RNLS: variants seen among roughly 807,000 people sequenced by gnomAD.
RNLS encodes renalase.
Under a neutral mutation model 39.8 loss-of-function variants are expected in RNLS, and 39 were observed. The ratio of observed to expected loss-of-function variants is 0.98; its 90% CI spans 0.76 to 1.28. The LOEUF (loss-of-function observed/expected upper bound fraction) is 1.28, where lower values mean the gene tolerates loss of function less well. Among genes scored for constraint, RNLS ranks in the 50% most tolerant of loss-of-function variants. The pLI is 0.00. For missense variants in RNLS, 410 were observed against 413.3 expected (o/e 0.99, Z 0.07); for synonymous variants, 147 against 150.7 (o/e 0.98, Z 0.18).
rs138084173 is a variant in RNLS at position 88,487,869 on chromosome 10, T to C, written c.526+85034A>G. 9.2e-5 allele frequency among the ~76,000 whole-genome samples: 14 copies of C among 152,158 alleles called. No individual in the cohort carries two copies. The East Asian group carries it at 2.7e-3, about 29-fold the overall frequency. On this transcript the variant is annotated intron_variant, in intron 4 of 6. Coordinates refer to ENST00000331772, the MANE Select transcript of RNLS (RefSeq NM_001031709.3). ...ATAAATAAACACAGTTGTATATCCA[T>C]AAAAGGGATACTAATCAGCAATAAA...
chr10:88,548,491 T>C (rs1041230067), intron 4 of RNLS, among the ~76,000 whole-genome samples: 11 of 147,754 alleles, frequency 7.4e-5, no homozygotes, highest in Non-Finnish European at 1.5e-5. Flanking sequence ...ATACAAAAAT[T>C]AGCCAGGCAT....
chr10:88,379,501 A>C (rs1851284851), intron 4 of RNLS, among the ~76,000 whole-genome samples: 2 of 152,162 alleles, frequency 1.3e-5, no homozygotes, highest in Non-Finnish European at 2.9e-5. Context: ...CCTGGGAAGA[A>C]TTATCAGTCT....
intron 4 of RNLS, among the ~76,000 whole-genome samples, chr10:88,372,401 T>C (rs1850636783): frequency 6.6e-6 from 1 of 152,138 alleles, no homozygotes; most frequent in Non-Finnish European, 1.5e-5. Flanking sequence ...TAAAAGACTA[T>C]CTAGCTATGT....
At chr10:88,223,306 A>C in the RNLS span, among the ~76,000 whole-genome samples, 62 of 152,196 alleles carry the variant, frequency 4.1e-4, no homozygotes, top group African/African-American at 1.4e-3. Flanking sequence ...ATTTTCCCCA[A>C]ATCCTCCAAC....
intron 4 of RNLS, among the ~76,000 whole-genome samples, chr10:88,560,363 C>A (rs1849101514): frequency 6.6e-6 from 1 of 151,902 alleles, no homozygotes; most frequent in South Asian, 2.1e-4. Context: ...TTAAAGAAGC[C>A]ACCAGGAAAA....
At chr10:88,514,059 A>G (rs1375082693) in intron 4 of RNLS, among the ~76,000 whole-genome samples, 1 of 151,780 alleles carries the variant, frequency 6.6e-6, no homozygotes, top group African/African-American at 2.4e-5. Context: ...CATGAGAGCT[A>G]CTATCTTATA....
chr10:88,457,279 T>C (rs1842683170), intron 4 of RNLS, among the ~76,000 whole-genome samples: 3 of 152,164 alleles, frequency 2.0e-5, no homozygotes, highest in South Asian at 4.1e-4. Flanking sequence ...GAACATATAA[T>C]GGTTGTTTTT....
intron 4 of RNLS, among the ~76,000 whole-genome samples, chr10:88,548,087 C>A (rs1848408168): frequency 6.7e-6 from 1 of 149,940 alleles, no homozygotes; most frequent in South Asian, 2.1e-4. Context: ...CGCGGTGAAA[C>A]CCCATCTCTA....
At chr10:88,307,950 T>G (rs1201656574) in intron 6 of RNLS, among the ~76,000 whole-genome samples, 1 of 152,026 alleles carries the variant, frequency 6.6e-6, no homozygotes, top group Non-Finnish European at 1.5e-5. Context: ...CATAGCCCAA[T>G]GGAACAGAAT....
Position 88,380,463 on chromosome 10 carries a change from C to T in RNLS, c.527-17738G>A, listed in dbSNP as rs1403942746. 1.6e-4 allele frequency among the ~76,000 whole-genome samples: 23 copies of T among 148,302 alleles called. 1 individual carries two copies. In the Admixed American group the frequency reaches 1.6e-3, roughly 10 times the overall value. ...TGATCTCCGCTCACTGCAAGCTCTG[C>T]CTCCCGGGTTCATGCTGTTTTCCTG... On this transcript the variant is annotated intron_variant, in intron 4 of 6. Transcript: ENST00000331772.
chr10:88,464,101 T>G (rs1564820352), intron 4 of RNLS, among the ~76,000 whole-genome samples: 1 of 152,034 alleles, frequency 6.6e-6, no homozygotes, highest in Non-Finnish European at 1.5e-5. Flanking sequence ...AATTTTCAAA[T>G]AGCTATTAGC....
At chr10:88,474,635 A>C in intron 4 of RNLS, among the ~76,000 whole-genome samples, 1 of 152,170 alleles carries the variant, frequency 6.6e-6, no homozygotes, top group East Asian at 1.9e-4. Context: ...TAGTTAAGAA[A>C]ATGTGTTGAG....
intron 4 of RNLS, among the ~76,000 whole-genome samples, chr10:88,520,145 ACT>A (rs1846641046): frequency 6.6e-6 from 1 of 151,982 alleles, no homozygotes; most frequent in African/African-American, 2.4e-5. Context: ...CTGAAGAGGT[ACT>A]GCTCCAAAGG....
chr10:88,326,006 C>G (rs1846576326), intron 5 of RNLS, among the ~76,000 whole-genome samples: 1 of 152,294 alleles, frequency 6.6e-6, no homozygotes, highest in East Asian at 1.9e-4. Context: ...TTGCCTTCCG[C>G]CATGATTGTA....
At chr10:88,575,622 G>C (rs150106030) in intron 3 of RNLS, among the ~76,000 whole-genome samples, 1 of 152,196 alleles carries the variant, frequency 6.6e-6, no homozygotes, top group East Asian at 1.9e-4. Flanking sequence ...TTTTGGGAAA[G>C]TGGCATTTCC....
At chr10:88,582,505 C>T (rs761765248) in intron 1 of RNLS, among the ~76,000 whole-genome samples, 198 bp from the exon 2 acceptor site, 4 of 152,124 alleles carry the variant, frequency 2.6e-5, no homozygotes, top group Non-Finnish European at 4.4e-5. Context: ...CATTATAGTG[C>T]ATATATTTAG....
chr10:88,476,988 A>C (rs1279138253), intron 4 of RNLS, among the ~76,000 whole-genome samples: 1 of 150,732 alleles, frequency 6.6e-6, no homozygotes, highest in South Asian at 2.1e-4. Context: ...TTGCCACAAA[A>C]AGTAAGAAAG....
At chr10:88,488,523 G>A (rs1000571768) in intron 4 of RNLS, among the ~76,000 whole-genome samples, 1 of 131,046 alleles carries the variant, frequency 7.6e-6, no homozygotes, top group Non-Finnish European at 1.6e-5. Flanking sequence ...TCCAGCCTAG[G>A]CAACAAGAGC....
intron 4 of RNLS, among the ~76,000 whole-genome samples, chr10:88,381,414 C>G (rs202228083): frequency 7.0e-6 from 1 of 142,260 alleles, no homozygotes; most frequent in Non-Finnish European, 1.5e-5. Context: ...TTTAAAAATA[C>G]AATATTTTCA....
Sources: allele counts gnomAD v4.1 joint callset (sites outside exome capture counted in the v4.1 genomes callset), GRCh38; gene constraint gnomAD v4.1.1; transcripts MANE v1.5; gene names NCBI Gene and HGNC (gene_info 2026-07-23, HGNC 2026-07-21).